The following SMYD3 variants were observed in gnomAD, a reference collection of about 807,000 sequenced individuals.
SMYD3 encodes the protein histone-lysine N-methyltransferase SMYD3.
A neutral mutation model predicts 57.7 loss-of-function variants in SMYD3; 36 were observed. The ratio of observed to expected loss-of-function variants is 0.62; its 90% CI spans 0.48 to 0.82. The LOEUF is 0.82. Among genes scored for constraint, SMYD3 ranks in the 40% least tolerant of loss-of-function variants. The pLI is 0.00. For synonymous variants in SMYD3, 211 were observed against 195.0 expected, an observed-to-expected ratio of 1.08 and a Z score of -0.68; for missense variants, 515 against 538.8, an observed-to-expected ratio of 0.96 and a Z score of 0.44.
intron 5 of SMYD3, among the ~76,000 whole-genome samples, chr1:245,945,644 C>A (rs1457197881): frequency 1.3e-5 from 2 of 152,158 alleles, no homozygotes; most frequent in Non-Finnish European, 2.9e-5. Context: ...ATAAGTTATT[C>A]TACTACAAAG....
At chr1:246,397,421 T>C (rs1304896622) in intron 1 of SMYD3, among the ~76,000 whole-genome samples, 1 of 152,034 alleles carries the variant, frequency 6.6e-6, no homozygotes, top group African/African-American at 2.4e-5. Flanking sequence ...TGTGACCTTC[T>C]TAACTATTTC....
At chr1:246,483,398 T>C (rs1273819883) in intron 1 of SMYD3, 1 of 152,206 alleles carries the variant, frequency 6.6e-6, no homozygotes, top group Non-Finnish European at 1.5e-5. Flanking sequence ...ATTTATAGCA[T>C]GAAAACATGT....
chr1:245,824,984 T>C (rs2049401290), intron 10 of SMYD3, among the ~76,000 whole-genome samples: 1 of 151,608 alleles, frequency 6.6e-6, no homozygotes, highest in Non-Finnish European at 1.5e-5. Context: ...TCAGCCGAGA[T>C]CGTGCCACTG....
chr1:245,941,049 A>C (rs537811388), intron 5 of SMYD3, among the ~76,000 whole-genome samples: 11 of 152,356 alleles, frequency 7.2e-5, no homozygotes, highest in Non-Finnish European at 1.5e-4. Context: ...GAACAGACCA[A>C]GTGGAAGAAA....
At chr1:246,435,837 C>T (rs760851923) in intron 1 of SMYD3, among the ~76,000 whole-genome samples, 3 of 148,796 alleles carry the variant, frequency 2.0e-5, no homozygotes, top group Non-Finnish European at 3.0e-5. Context: ...GGACAAAACA[C>T]GCTAAATGAA....
intron 7 of SMYD3, among the ~76,000 whole-genome samples, chr1:245,927,566 C>T (rs1558502849): frequency 6.6e-6 from 1 of 152,180 alleles, no homozygotes; most frequent in African/African-American, 2.4e-5. Flanking sequence ...ATGCCCCCCC[C>T]TGCCCACGGA....
intron 1 of SMYD3, among the ~76,000 whole-genome samples, chr1:246,493,159 A>T (rs574713204): frequency 6.8e-6 from 1 of 146,946 alleles, no homozygotes; most frequent in South Asian, 2.3e-4. Context: ...TAAAGCTGTT[A>T]CAAAAAAAGG....
chr1:246,009,805 C>CTTTTTTT (rs74163100), intron 5 of SMYD3, among the ~76,000 whole-genome samples: 1 of 75,612 alleles, frequency 1.3e-5, no homozygotes, highest in Non-Finnish European at 2.5e-5. Context: ...CATGTAAGAT[C>CTTTTTTT]TTTTTTTTTT....
At chr1:245,993,562 T>C (rs1430551541) in intron 5 of SMYD3, among the ~76,000 whole-genome samples, 1 of 86,306 alleles carries the variant, frequency 1.2e-5, no homozygotes, top group African/African-American at 3.1e-5. Flanking sequence ...TAGCAAGACG[T>C]TGTCTCAAAA....
chr1:246,241,577 G>A (rs2063611437), intron 5 of SMYD3, among the ~76,000 whole-genome samples: 2 of 152,158 alleles, frequency 1.3e-5, no homozygotes, highest in African/African-American at 4.8e-5. Context: ...GTCTCTGCCA[G>A]GCTTTGGTAT....
intron 5 of SMYD3, among the ~76,000 whole-genome samples, chr1:246,288,585 C>G (rs1021383150): frequency 1.3e-5 from 2 of 152,112 alleles, no homozygotes; most frequent in Non-Finnish European, 2.9e-5. Context: ...CCACCTGGGG[C>G]AGAAGAGAAT....
intron 5 of SMYD3, among the ~76,000 whole-genome samples, chr1:245,944,394 T>A (rs1042770324): frequency 1.3e-5 from 2 of 152,076 alleles, no homozygotes; most frequent in African/African-American, 4.8e-5. Context: ...TATTCATAAT[T>A]GCTACAAAGA....
chr1:246,308,924 CTAAAAAATGTAAAATTACTTATGTGCCT>C (rs2065031051), intron 5 of SMYD3, among the ~76,000 whole-genome samples: 2 of 152,146 alleles, frequency 1.3e-5, no homozygotes, highest in South Asian at 4.1e-4. Context: ...TATTATCCAT[CTAAAAAATGTAAAATTACTTATGTGCCT>C]AAGATAGTAA....
chr1:246,108,402 A>T (rs2061168958), intron 5 of SMYD3, among the ~76,000 whole-genome samples: 1 of 152,218 alleles, frequency 6.6e-6, no homozygotes, highest in Non-Finnish European at 1.5e-5. Context: ...AAATCTCAGC[A>T]AAGAGATCAC....
chr1:246,169,585 T>C (rs1448169607), intron 5 of SMYD3, among the ~76,000 whole-genome samples: 1 of 152,004 alleles, frequency 6.6e-6, no homozygotes, highest in Non-Finnish European at 1.5e-5. Context: ...TGGATAGCAC[T>C]GGGAGTCTCA....
chr1:246,275,008 G>A (rs2064301450), intron 5 of SMYD3, among the ~76,000 whole-genome samples: 1 of 151,942 alleles, frequency 6.6e-6, no homozygotes, highest in Non-Finnish European at 1.5e-5. Flanking sequence ...TCATCCTTTT[G>A]ACTTTTATAG....
At chr1:246,082,527 C>G (rs2060653034) in intron 5 of SMYD3, among the ~76,000 whole-genome samples, 1 of 152,132 alleles carries the variant, frequency 6.6e-6, no homozygotes, top group African/African-American at 2.4e-5. Flanking sequence ...CACACATTCC[C>G]TAGCCCCTTG....
At chr1:245,842,873 G>GTTAATTTT (rs1263607246) in intron 10 of SMYD3, among the ~76,000 whole-genome samples, 3 of 152,030 alleles carry the variant, frequency 2.0e-5, no homozygotes, top group African/African-American at 7.2e-5. Context: ...ACCATGCCCA[G>GTTAATTTT]CTAATTTTCT....
intron 8 of SMYD3, among the ~76,000 whole-genome samples, chr1:245,901,909 T>G (rs1031946792): frequency 1.3e-5 from 2 of 152,164 alleles, no homozygotes; most frequent in African/African-American, 4.8e-5. Context: ...GCTGCTCAGC[T>G]TCACAGGCCC....
Sources: gnomAD v4.1 joint callset for allele counts (sites outside exome capture counted in the v4.1 genomes callset) on GRCh38, gnomAD v4.1.1 for gene constraint, MANE v1.5 for transcripts, NCBI Gene and HGNC (gene_info 2026-07-23, HGNC 2026-07-21) for gene names.